The following FRMPD2 variants were observed in gnomAD, a reference collection of about 807,000 sequenced individuals.
FRMPD2 encodes FERM and PDZ domain-containing protein 2.
Under a neutral mutation model 140.1 loss-of-function variants are expected in FRMPD2, and 96 were observed. The ratio of observed to expected loss-of-function variants is 0.69; its 90% CI spans 0.58 to 0.81. The LOEUF (loss-of-function observed/expected upper bound fraction) is 0.81. Ranked by LOEUF, FRMPD2 falls within the 40% of genes least tolerant of loss-of-function variation. FRMPD2 has a pLI of 0.00. For missense variants in FRMPD2, 1,240 were observed against 1,447.4 expected, an observed-to-expected ratio of 0.86 and a Z score of 2.32; for synonymous variants, 449 against 547.6, an observed-to-expected ratio of 0.82 and a Z score of 2.52.
chr10:48,210,691 C>T (rs1839299484), intron 13 of FRMPD2, among the ~76,000 whole-genome samples: 1 of 152,240 alleles, frequency 6.6e-6, no homozygotes, highest in African/African-American at 2.4e-5. Flanking sequence ...GTGCCCTGAT[C>T]ATGCTTCGCC....
intron 15 of FRMPD2, among the ~76,000 whole-genome samples, chr10:48,199,393 G>A (rs1356046316): frequency 6.6e-6 from 1 of 152,046 alleles, no homozygotes; most frequent in Non-Finnish European, 1.5e-5. Flanking sequence ...GATCTGCTAA[G>A]CAACCAAAAG....
intron 17 of FRMPD2, 25 bp from the exon 18 acceptor site, chr10:48,185,670 A>C: frequency 6.4e-7 from 1 of 1,566,816 alleles, no homozygotes. Context: ...AGAGCACCAC[A>C]TTGTGCTTTT....
intron 21 of FRMPD2, among the ~76,000 whole-genome samples, chr10:48,180,022 G>C (rs2492444): frequency 3.7e-4 from 56 of 152,306 alleles, no homozygotes; most frequent in Middle Eastern, 3.4e-3. Context: ...GATGGACCCT[G>C]ATAGGAGCTG....
rs764261406 is a variant in FRMPD2, at chr10:48,192,855, G to A, written c.1994C>T (p.Ala665Val). Reference protein sequence around the residue: ...KFVQMANLSPAHQARSKPLIW... With the variant: ...KFVQMANLSPVHQARSKPLIW... ...GAGAGGCTTAGACCGGGCCTGGTGT[G>A]CAGGACTCAAATTGGCCATTTGCAC... The change falls in exon 16 of 29, where the codon GCA becomes GTA. Residue 665 changes from alanine to valine, a missense_variant. Ala to Val is a moderately conservative substitution (Grantham distance 64). Transcript: ENST00000374201. The A allele has an allele frequency of 6.2e-7, 1 of 1,614,096 alleles. No individual in the cohort carries two copies. The highest frequency in any genetic ancestry group is 8.5e-7 in the Non-Finnish European group (1 of 1,180,006).
At chr10:48,202,529 T>C (rs1240195879) in intron 14 of FRMPD2, among the ~76,000 whole-genome samples, 1 of 152,238 alleles carries the variant, frequency 6.6e-6, no homozygotes, top group East Asian at 1.9e-4. Flanking sequence ...CTAAGCCTCC[T>C]TGTGCTAATA....
At chr10:48,270,406 C>A (rs1840746950) in intron 1 of FRMPD2, among the ~76,000 whole-genome samples, 1 of 152,210 alleles carries the variant, frequency 6.6e-6, no homozygotes, top group Non-Finnish European at 1.5e-5. Context: ...TCTTCCTCTT[C>A]TGGGAATTGA....
intron 9 of FRMPD2, among the ~76,000 whole-genome samples, chr10:48,232,971 T>C (rs1839885236): frequency 2.6e-5 from 4 of 152,140 alleles, no homozygotes. Flanking sequence ...GCACATATGA[T>C]ACCCACTGCC....
chr10:48,250,401 T>A (rs903798398), intron 2 of FRMPD2, among the ~76,000 whole-genome samples: 1 of 152,220 alleles, frequency 6.6e-6, no homozygotes, highest in African/African-American at 2.4e-5. Context: ...ATTTTCTTTT[T>A]CTTTTTCTTT....
Position 48,267,465 on chromosome 10 carries a change from G to A in FRMPD2, c.25+7078C>T, listed in dbSNP as rs546528413. Among the ~76,000 whole-genome samples, 106 of 152,170 alleles carry A rather than the reference G, an allele frequency of 7.0e-4. 1 individual carries two copies. The Middle Eastern group carries it at 0.01, about 15-fold the overall frequency. On this transcript the variant is annotated intron_variant, in intron 1 of 28. Transcript: ENST00000374201. ...AGAGAACAAGAGAAATGACCCAATC[G>A]GACAACAGACATCAAAAGACATTTC... is the stretch of plus-strand genomic sequence containing the variant.
intron 1 of FRMPD2, among the ~76,000 whole-genome samples, chr10:48,267,112 G>A (rs944737088): frequency 3.9e-5 from 6 of 152,106 alleles, no homozygotes; most frequent in African/African-American, 1.4e-4. Context: ...TCTAAGTAAG[G>A]TCCAGAGTCT....
At position 48,222,448 on chromosome 10, in the gene FRMPD2, G is replaced by A; in HGVS notation, c.1320C>T (p.His440=). 2 of 1,613,824 alleles carry A rather than the reference G, an allele frequency of 1.2e-6. No homozygotes were observed. Among genetic ancestry groups the A allele is most frequent in the Middle Eastern group, 1.7e-4 (1 of 6,050 alleles). Residue 440 remains histidine (H), a synonymous_variant, in exon 12 of 29, where the codon CAC becomes CAT. Transcript: ENST00000374201. ...GGTAAAACTGGTGCCTTGTCAGGCT[G>A]TGCCTGGAAAAGAAGTAGCAATAAA... ...FFVSHYGLLQ[H]SLTRHQFYLQ...
intron 14 of FRMPD2, among the ~76,000 whole-genome samples, chr10:48,203,369 T>C (rs1232227265): frequency 6.6e-6 from 1 of 152,178 alleles, no homozygotes; most frequent in African/African-American, 2.4e-5. Flanking sequence ...CTGCAAACTT[T>C]CGCATAAGCA....
chr10:48,247,358 T>C (rs1442778058), intron 3 of FRMPD2, among the ~76,000 whole-genome samples: 1 of 152,174 alleles, frequency 6.6e-6, no homozygotes, highest in East Asian at 1.9e-4. Context: ...AAGTGGAGCC[T>C]GAGGCAAGGG....
Position 48,212,024 on chromosome 10 carries a change from A to G in FRMPD2, c.1541T>C (p.Val514Ala), listed in dbSNP as rs775313724. The G allele has an allele frequency of 6.2e-7, 1 of 1,614,112 alleles. No individual in the cohort carries two copies. Among genetic ancestry groups the G allele is most frequent in the Admixed American group, 1.7e-5 (1 of 60,028 alleles). ...GAGCCGGTGCATCTCTGAGACTTCAACCTGGACCCGTAGAGCGGTCATCCT... is the reference window on the plus strand; with the variant it reads ...GAGCCGGTGCATCTCTGAGACTTCAGCCTGGACCCGTAGAGCGGTCATCCT... ...IERMTALRVQVEVSEMHRLSS... is the reference protein window; with the variant it reads ...IERMTALRVQAEVSEMHRLSS... The change falls in exon 13 of 29, where the codon GTT becomes GCT. Residue 514 changes from valine to alanine, a missense_variant. Val to Ala is a moderately conservative substitution (Grantham distance 64). This residue lies in a region of FRMPD2 where 1,161 missense variants were observed against 1,055.9 expected (regional missense o/e 1.10). Coordinates refer to ENST00000374201, the MANE Select transcript of FRMPD2 (RefSeq NM_001018071.4).
chr10:48,247,940 G>T (rs368015810), intron 3 of FRMPD2, among the ~76,000 whole-genome samples: 3 of 152,154 alleles, frequency 2.0e-5, no homozygotes, highest in East Asian at 1.9e-4. Context: ...AGGATTTCAG[G>T]GGGGAGGGGG....
intron 20 of FRMPD2, among the ~76,000 whole-genome samples, chr10:48,181,738 A>G (rs1338930467): frequency 1.3e-5 from 2 of 151,890 alleles, no homozygotes; most frequent in Non-Finnish European, 2.9e-5. Flanking sequence ...TAGAGATAAT[A>G]TCAATATCAA....
At chr10:48,168,061 A>T (rs1401531107) in intron 27 of FRMPD2, among the ~76,000 whole-genome samples, 1 of 146,982 alleles carries the variant, frequency 6.8e-6, no homozygotes, top group Non-Finnish European at 1.5e-5. Context: ...ATATAAACAC[A>T]CACATAAACA....
intron 15 of FRMPD2, among the ~76,000 whole-genome samples, chr10:48,193,653 A>G (rs1177486859): frequency 6.6e-6 from 1 of 152,240 alleles, no homozygotes; most frequent in Non-Finnish European, 1.5e-5. Context: ...CAGGAAAATG[A>G]TGACTACATT....
intron 1 of FRMPD2, among the ~76,000 whole-genome samples, chr10:48,261,866 C>A (rs930573619): frequency 6.6e-6 from 1 of 152,026 alleles, no homozygotes; most frequent in African/African-American, 2.4e-5. Context: ...GTAATATGTA[C>A]CTGTACTACA....
Sources: gnomAD v4.1 joint callset for allele counts (sites outside exome capture counted in the v4.1 genomes callset) on GRCh38, gnomAD v4.1.1 for gene constraint, gnomAD v4.1.1 regional missense constraint, MANE v1.5 for transcripts, NCBI Gene and HGNC (gene_info 2026-07-23, HGNC 2026-07-21) for gene names.